Variants in ZNF785 observed in about 807,000 individuals in gnomAD.
ZNF785 encodes zinc finger protein 785.
ZNF785 carries 15 observed loss-of-function variants against 11.3 expected under a neutral mutation model. The ratio of observed to expected loss-of-function variants is 1.32; its 90% confidence interval spans 0.89 to 2.04. The LOEUF is 2.04. Ranked by LOEUF, ZNF785 falls within the 30% of genes most tolerant of loss-of-function variation. The pLI, the probability that ZNF785 is intolerant of heterozygous loss-of-function variation, is 0.00. For synonymous variants in ZNF785, 221 were observed against 231.0 expected (o/e 0.96, Z 0.39); for missense variants, 572 against 560.9 (o/e 1.02, Z -0.20).
At position 30,582,953 on chromosome 16, in the gene ZNF785, CTGG is replaced by C; in HGVS notation, c.822_824del (p.His274del). On this transcript the variant is annotated inframe_deletion, in exon 3 of 3. Coordinates refer to ENST00000395216, the MANE Select transcript of ZNF785 (RefSeq NM_152458.7). Reference sequence around the variant, plus strand: ...AGGGCTTCTCGCCCGTGTGCTTGCGCTGGTGGATGGCCAGCAGGTAGGGGTAAG... The same window carrying C: ...AGGGCTTCTCGCCCGTGTGCTTGCGCTGGATGGCCAGCAGGTAGGGGTAAG... 1 of 1,614,070 alleles carries C rather than the reference CTGG, an allele frequency of 6.2e-7. No individual in the cohort carries two copies.
rs746072661 is a variant in ZNF785 at position 30,583,422 on chromosome 16, T to TC, written c.355dup (p.Glu119GlyfsTer17). 4 of 1,553,366 alleles carry TC rather than the reference T, an allele frequency of 2.6e-6. No homozygotes were observed. The highest frequency in any genetic ancestry group is 3.5e-6 in the Non-Finnish European group (4 of 1,148,474). On this transcript the variant is annotated frameshift_variant, in exon 3 of 3. Coordinates refer to ENST00000395216, the MANE Select transcript of ZNF785 (RefSeq NM_152458.7). LOFTEE classifies it low-confidence loss of function (END_TRUNC). ...TGGACACTTCTTCAGCCTTTCCTTC[T>TC]CCTCATTCCCATCCCTGGATCCTGA...
rs775444370 is a variant in ZNF785 at position 30,585,423 on chromosome 16, G to A, written c.189C>T (p.Gly63=). ...CGGCCTCACCCAGCGCGCCCAGGTG[G>A]CCGAAGGTCTCCCGCATCACGTCCC... ...LYRDVMRETF[G]HLGALGFSVP... is the part of the protein sequence containing the mutation. Residue 63 remains glycine (G), a synonymous_variant, in exon 1 of 3, where the codon GGC becomes GGT. Transcript: ENST00000395216. This position sits in a 1 kb window ranked among gnomAD's most constrained non-coding sequence, Gnocchi z 4.0. 5.6e-6 allele frequency: 9 copies of A among 1,593,050 alleles called. No individual in the cohort carries two copies. Among genetic ancestry groups the A allele is most frequent in the East Asian group, 2.3e-5 (1 of 43,868 alleles).
In ZNF785 at chr16:30,583,409, C is replaced by T. The variant is rs768227409; in HGVS notation, c.369G>A (p.Leu123=). ...SRDGNEEKER[L]KKCPKQKEVA... Reference sequence around the variant, plus strand: ...CCTCTTTTTGTTTTGGACACTTCTTCAGCCTTTCCTTCTCCTCATTCCCAT... The same window carrying T: ...CCTCTTTTTGTTTTGGACACTTCTTTAGCCTTTCCTTCTCCTCATTCCCAT... The change falls in exon 3 of 3, where the codon CTG becomes CTA. Residue 123 remains leucine (L), a synonymous_variant. Coordinates refer to ENST00000395216, the MANE Select transcript of ZNF785 (RefSeq NM_152458.7). 2.5e-6 allele frequency: 4 copies of T among 1,578,082 alleles called. No homozygotes were observed. The South Asian group carries it at 4.7e-5, about 18-fold the overall frequency.
At position 30,583,212 on chromosome 16, in the gene ZNF785, C is replaced by G. The variant is rs1328577092; in HGVS notation, c.566G>C (p.Ser189Thr). The G allele has an allele frequency of 3.7e-6, 6 of 1,613,938 alleles. No homozygotes were observed. In the East Asian group the frequency reaches 1.3e-4, roughly 36 times the overall value. ...CTCCCCGGAGTGGACCCGCTGGTGG[C>G]TGGCCAGGAGGGAAGGGTAGCTGAA... ...RNFSYPSLLA[S>T]HQRVHSGERP... The change falls in exon 3 of 3, where the codon AGC becomes ACC. Residue 189 changes from serine (S) to threonine (T), a missense_variant. Coordinates refer to ENST00000395216, the MANE Select transcript of ZNF785 (RefSeq NM_152458.7).
rs2051874360 is a variant in ZNF785 at position 30,585,189 on chromosome 16, G to C, written c.267C>G (p.Ser89Arg). 1 of 1,614,020 alleles carries C rather than the reference G, an allele frequency of 6.2e-7. No individual in the cohort carries two copies. Among genetic ancestry groups the C allele is most frequent in the African/African-American group, 1.3e-5 (1 of 74,926 alleles). ...SWVEGEVEAW[S>R]PEAQDPDGES... ...CACCGTCGGGATCCTGGGCCTCCGG[G>C]CTCCACGCCTCCACTTCTCCTTCCA... is the stretch of plus-strand genomic sequence containing the variant. The change falls in exon 2 of 3, where the codon AGC becomes AGG. Residue 89 changes from serine to arginine, a missense_variant. Physicochemically the swap from Ser to Arg is moderately radical, Grantham distance 110. Transcript: ENST00000395216. The surrounding 1 kb of genome is among the most constrained non-coding windows in gnomAD (Gnocchi z 4.0).
rs1391611782 is a variant in ZNF785 at position 30,585,109 on chromosome 16, C to G, written c.334+13G>C. ...TTGGGGCTTCTCCACGGCTACTTAT[C>G]CAAATGAAGTACCTGCTTCCTGTCC... On this transcript the variant is annotated intron_variant, in intron 2 of 2. Coordinates refer to ENST00000395216, the MANE Select transcript of ZNF785 (RefSeq NM_152458.7). This position sits in a 1 kb window ranked among gnomAD's most constrained non-coding sequence, Gnocchi z 4.0. 6.2e-7 allele frequency: 1 copy of G among 1,601,206 alleles called. No individual in the cohort carries two copies. The highest frequency in any genetic ancestry group is 1.3e-5 in the African/African-American group (1 of 74,654).
chr16:30,585,512 C>T lies in ZNF785; in HGVS notation c.100G>A (p.Val34Met), dbSNP rs771172418. ...TCCTCGGGAGAGAAGTACACGGCCACGTCCGCGAAGCTCACGGCGCCCGGC... is the reference window on the plus strand; with the variant it reads ...TCCTCGGGAGAGAAGTACACGGCCATGTCCGCGAAGCTCACGGCGCCCGGC... ...SRPGAVSFAD[V>M]AVYFSPEEWE... The change falls in exon 1 of 3, where the codon GTG becomes ATG. Residue 34 changes from valine (V) to methionine (M), a missense_variant. Transcript: ENST00000395216. This position sits in a 1 kb window ranked among gnomAD's most constrained non-coding sequence, Gnocchi z 4.0. 4.4e-6 allele frequency: 7 copies of T among 1,594,652 alleles called. No individual in the cohort carries two copies. The South Asian group carries it at 6.7e-5, about 15-fold the overall frequency.
At position 30,583,024 on chromosome 16, in the gene ZNF785, C is replaced by G; in HGVS notation, c.754G>C (p.Gly252Arg). The part of the protein sequence containing the change: ...SLAIHRRAHT[G>R]EKPYACSDCK... Reference sequence around the variant, plus strand: ...TCTGAGCACGCGTAAGGCTTCTCCCCGGTGTGAGCCCGCCTGTGGATAGCC... The same window carrying G: ...TCTGAGCACGCGTAAGGCTTCTCCCGGGTGTGAGCCCGCCTGTGGATAGCC... Residue 252 changes from glycine to arginine, a missense_variant, in exon 3 of 3, where the codon GGG becomes CGG. Gly to Arg is a moderately radical substitution (Grantham distance 125, BLOSUM62 -2). Transcript: ENST00000395216. 6 of 1,613,816 alleles carry G rather than the reference C, an allele frequency of 3.7e-6. No individual in the cohort carries two copies. Among genetic ancestry groups the G allele is most frequent in the Non-Finnish European group, 5.1e-6 (6 of 1,179,936 alleles).
chr16:30,583,287 T>A lies in ZNF785; in HGVS notation c.491A>T (p.Asp164Val). 4 of 1,613,902 alleles carry A rather than the reference T, an allele frequency of 2.5e-6. No homozygotes were observed. Among genetic ancestry groups the A allele is most frequent in the Non-Finnish European group, 3.4e-6 (4 of 1,179,862 alleles). ...RQSPMNPWLKDTLTRRLPHSC... is the reference protein window; with the variant it reads ...RQSPMNPWLKVTLTRRLPHSC... Reference sequence around the variant, plus strand: ...GTGGGGCAGTCTTCGGGTCAGAGTGTCCTTGAGCCAGGGATTCATGGGGCT... The same window carrying A: ...GTGGGGCAGTCTTCGGGTCAGAGTGACCTTGAGCCAGGGATTCATGGGGCT... Residue 164 changes from aspartate (D) to valine (V), a missense_variant, in exon 3 of 3, where the codon GAC becomes GTC. Transcript: ENST00000395216.
chr16:30,579,694 T>C, downstream of ZNF785: 1 of 433,040 alleles, frequency 2.3e-6, no homozygotes. Flanking sequence ...TTCCCATTAA[T>C]TATCTTGGAA....
Position 30,585,055 on chromosome 16 carries a change from T to C in ZNF785, c.334+67A>G. The C allele has an allele frequency of 6.4e-7, 1 of 1,551,134 alleles. No homozygotes were observed. Among genetic ancestry groups the C allele is most frequent in the African/African-American group, 1.4e-5 (1 of 73,128 alleles). Reference sequence around the variant, plus strand: ...GGACTTTGGAGGGGGCAGCCTGCGCTGAGGATGTGAGTGAGTTGGGGGCGG... The same window carrying C: ...GGACTTTGGAGGGGGCAGCCTGCGCCGAGGATGTGAGTGAGTTGGGGGCGG... On this transcript the variant is annotated intron_variant, in intron 2 of 2. Transcript: ENST00000395216. This position sits in a 1 kb window ranked among gnomAD's most constrained non-coding sequence, Gnocchi z 4.0.
At chr16:30,584,050 C>G (rs2051857295) in intron 2 of ZNF785, among the ~76,000 whole-genome samples, 1 of 151,546 alleles carries the variant, frequency 6.6e-6, no homozygotes, top group Non-Finnish European at 1.5e-5. Context: ...GAGGCTGAGG[C>G]AGGAGAATCC....
rs2051887200 is a variant in ZNF785, at chr16:30,585,690, A to G, written c.-79T>C. 6.9e-7 allele frequency: 1 copy of G among 1,440,378 alleles called. No homozygotes were observed. The highest frequency in any genetic ancestry group is 9.1e-7 in the Non-Finnish European group (1 of 1,103,994). 89.2% of individuals were successfully genotyped at this position (1,440,378 alleles called of 1,614,324 possible). On this transcript the variant is annotated 5_prime_UTR_variant, in exon 1 of 3. Transcript: ENST00000395216. The surrounding 1 kb of genome is among the most constrained non-coding windows in gnomAD (Gnocchi z 4.0). ...GGCGCTTTCCTGTCTTTCCTCAGAC[A>G]AGTCCGTAAGGGACTCCTGCCCTTA...
chr16:30,583,716 G>A (rs932097134), intron 2 of ZNF785: 5 of 340,748 alleles, frequency 1.5e-5, no homozygotes, highest in African/African-American at 1.1e-4. Flanking sequence ...GTCGGGCCGG[G>A]TGCCATGGCT....
intron 2 of ZNF785, among the ~76,000 whole-genome samples, chr16:30,584,065 A>C (rs1350586626): frequency 6.6e-6 from 1 of 151,166 alleles, no homozygotes; most frequent in Admixed American, 6.6e-5. Context: ...GAATCCCTGG[A>C]ACTGGGGAGG....
chr16:30,585,477 G>C lies in ZNF785; in HGVS notation c.135C>G (p.Cys45Trp). ...ACAGGGCCCTCTGCGCTGGCCGCAG[G>C]CATTCCCACTCCTCGGGAGAGAAGT... The part of the protein sequence containing the change: ...AVYFSPEEWE[C>W]LRPAQRALYR... The change falls in exon 1 of 3, where the codon TGC (cysteine) becomes TGG (tryptophan). Residue 45 changes from cysteine to tryptophan, a missense_variant. Physicochemically the swap from Cys to Trp is radical, Grantham distance 215. Coordinates refer to ENST00000395216, the MANE Select transcript of ZNF785 (RefSeq NM_152458.7). This position sits in a 1 kb window ranked among gnomAD's most constrained non-coding sequence, Gnocchi z 4.0. The C allele has an allele frequency of 1.2e-6, 2 of 1,603,958 alleles. No individual in the cohort carries two copies. Among genetic ancestry groups the C allele is most frequent in the Non-Finnish European group, 1.7e-6 (2 of 1,175,812 alleles).
chr16:30,578,626 C>CG (rs2151234440), downstream of ZNF785: 1 of 152,316 alleles, frequency 6.6e-6, no homozygotes, highest in South Asian at 2.1e-4. Context: ...TGGGGTCAAA[C>CG]GATTCTCCTG....
chr16:30,579,410 C>G, downstream of ZNF785: 1 of 167,970 alleles, frequency 6.0e-6, no homozygotes, highest in Non-Finnish European at 1.3e-5. Context: ...TGTTTTGAGA[C>G]AGAGTCCTGC....
rs2051875965 is a variant in ZNF785 at position 30,585,232 on chromosome 16, G to C, written c.224C>G (p.Pro75Arg). Residue 75 changes from proline (P) to arginine (R), a missense_variant, in exon 2 of 3, where the codon CCC (proline) becomes CGC (arginine). Pro to Arg is a moderately radical substitution (Grantham distance 103). Transcript: ENST00000395216. The surrounding 1 kb of genome is among the most constrained non-coding windows in gnomAD (Gnocchi z 4.0). ...LGALGFSVPK[P>R]AFISWVEGEV... ...TCCTTCCACCCACGAGATAAAAGCG[G>C]GTTTGGGAACTGAAAATCCTGCGAA... 1 of 1,613,944 alleles carries C rather than the reference G, an allele frequency of 6.2e-7. No individual in the cohort carries two copies. Among genetic ancestry groups the C allele is most frequent in the African/African-American group, 1.3e-5 (1 of 74,932 alleles).
Sources: allele counts gnomAD v4.1 joint callset (sites outside exome capture counted in the v4.1 genomes callset), GRCh38; gene constraint gnomAD v4.1.1; non-coding constraint Gnocchi (gnomAD v3.1); transcripts MANE v1.5; gene names NCBI Gene and HGNC (gene_info 2026-07-23, HGNC 2026-07-21).